The following VAV2 variants were observed in gnomAD, a reference collection of about 807,000 sequenced individuals.
VAV2 encodes the protein vav guanine nucleotide exchange factor 2, also known as guanine nucleotide exchange factor VAV2.
A neutral mutation model predicts 132.5 loss-of-function variants in VAV2; 67 were observed. That is an observed-to-expected ratio of 0.51 (90% CI 0.42 to 0.62). The LOEUF (loss-of-function observed/expected upper bound fraction) is 0.62, where lower values mean the gene tolerates loss of function less well. Among genes scored for constraint, VAV2 ranks in the 20% least tolerant of loss-of-function variants. The probability of loss-of-function intolerance (pLI) is 0.00; values close to 1 mark genes in which losing one functional copy is unlikely to be tolerated. For missense variants in VAV2, 938 were observed against 1,153.6 expected (o/e 0.81, Z 2.71); for synonymous variants, 492 against 443.5 (o/e 1.11, Z -1.37).
At chr9:133,789,424 T>G (rs1414700252) in intron 13 of VAV2, 81 bp from the exon 14 acceptor site, 3 of 1,406,742 alleles carry the variant, frequency 2.1e-6, no homozygotes, top group African/African-American at 2.8e-5. Flanking sequence ...CAGACTGTCG[T>G]GCACCCAAGG....
chr9:133,875,339 G>A (rs1452681419), intron 2 of VAV2, among the ~76,000 whole-genome samples: 1 of 152,184 alleles, frequency 6.6e-6, no homozygotes, highest in African/African-American at 2.4e-5. Context: ...ACAGCCCAGC[G>A]CCACAGCCCC....
chr9:133,974,769 C>CCTGCACCCAGCA (rs11270393), intron 1 of VAV2, among the ~76,000 whole-genome samples: 145,405 of 151,408 alleles, frequency 0.96, 69,744 homozygotes, highest in East Asian at 1. Context: ...TAGGTCACGC[C>CCTGCACCCAGCA]CTGCACCCAG....
chr9:133,878,333 G>T (rs571599968), intron 2 of VAV2, among the ~76,000 whole-genome samples: 1 of 152,214 alleles, frequency 6.6e-6, no homozygotes, highest in Non-Finnish European at 1.5e-5. Context: ...ACCCAAGCAC[G>T]ATCGAGGCTG....
intron 2 of VAV2, among the ~76,000 whole-genome samples, chr9:133,875,021 C>A (rs565924003): frequency 1.3e-5 from 2 of 152,156 alleles, no homozygotes; most frequent in Non-Finnish European, 2.9e-5. Context: ...GGCAGAGCAG[C>A]CCCAGAAAGA....
At chr9:133,801,965 GT>G (rs967746560) in intron 9 of VAV2, among the ~76,000 whole-genome samples, 1 of 152,112 alleles carries the variant, frequency 6.6e-6, no homozygotes, top group Admixed American at 6.6e-5. Context: ...CATCTCTGTT[GT>G]TTCAAGCCAC....
intron 25 of VAV2, 103 bp from the exon 26 acceptor site, chr9:133,772,149 G>T: frequency 1.3e-6 from 1 of 751,604 alleles, no homozygotes; most frequent in Non-Finnish European, 2.0e-6. Context: ...AAAGCCCCTC[G>T]TCCCTGGCCC....
rs75798170 is a variant in VAV2, at chr9:133,790,755, C to T, written c.1188+1028G>A. On this transcript the variant is annotated intron_variant, in intron 13 of 29. Coordinates refer to ENST00000371850, the MANE Select transcript of VAV2 (RefSeq NM_001134398.2). ...GCTTATTTTTTTTTTCTTTCATCGC[C>T]GACGTATCGCAGGTGCTTTTCCGTG... 8.9e-4 allele frequency among the ~76,000 whole-genome samples: 136 copies of T among 152,182 alleles called. 3 individuals carry two copies. The East Asian group carries it at 0.023, about 26-fold the overall frequency.
chr9:133,767,314 G>A (rs149339276), intron 29 of VAV2, among the ~76,000 whole-genome samples: 98 of 152,202 alleles, frequency 6.4e-4, no homozygotes, highest in African/African-American at 2.2e-3. Flanking sequence ...CAAGAAAGCT[G>A]GTGTCACAAA....
chr9:133,900,564 C>A (rs1839398879), intron 2 of VAV2, among the ~76,000 whole-genome samples: 1 of 152,188 alleles, frequency 6.6e-6, no homozygotes, highest in Non-Finnish European at 1.5e-5. Flanking sequence ...CAGAGAGGGT[C>A]CTGCCCCACA....
chr9:133,930,203 TC>T (rs953473383), intron 2 of VAV2, among the ~76,000 whole-genome samples: 1 of 152,184 alleles, frequency 6.6e-6, no homozygotes, highest in African/African-American at 2.4e-5. Flanking sequence ...CCCACCGGCC[TC>T]CACTCTGCCT....
chr9:133,908,797 C>T (rs1484868312), intron 2 of VAV2, among the ~76,000 whole-genome samples: 2 of 152,246 alleles, frequency 1.3e-5, no homozygotes, highest in African/African-American at 2.4e-5. Flanking sequence ...CAGGCCCCCT[C>T]GGGAGCGGAC....
rs568095560 is a variant in VAV2 at position 133,798,394 on chromosome 9, C to T, written c.837-585G>A. ...GGTGGCCCCCGGACCTGGGAGGACG[C>T]CCAGGAAGCCAGCCCTCGTGTCCTG... On this transcript the variant is annotated intron_variant, in intron 9 of 29. Transcript: ENST00000371850. Among the ~76,000 whole-genome samples, 12 of 152,308 alleles carry T rather than the reference C, an allele frequency of 7.9e-5. No individual in the cohort carries two copies. The South Asian group carries it at 2.5e-3, about 32-fold the overall frequency.
At chr9:133,904,899 C>T (rs962386745) in intron 2 of VAV2, among the ~76,000 whole-genome samples, 7 of 150,678 alleles carry the variant, frequency 4.6e-5, no homozygotes, top group Non-Finnish European at 1.0e-4. Flanking sequence ...GTCCACCATA[C>T]AGGGCCACAG....
chr9:133,974,976 C>A (rs1308762235), intron 1 of VAV2, among the ~76,000 whole-genome samples: 1 of 152,228 alleles, frequency 6.6e-6, no homozygotes. Context: ...GGGCCTTCCA[C>A]GTGATTCATG....
At chr9:133,780,394 G>T (rs1833965891) in intron 20 of VAV2, among the ~76,000 whole-genome samples, 1 of 152,194 alleles carries the variant, frequency 6.6e-6, no homozygotes, top group African/African-American at 2.4e-5. Flanking sequence ...GAGCCAACTG[G>T]GGGACTCGGG....
At chr9:133,910,122 C>A (rs966631958) in intron 2 of VAV2, among the ~76,000 whole-genome samples, 1 of 152,186 alleles carries the variant, frequency 6.6e-6, no homozygotes, top group Admixed American at 6.5e-5. Context: ...CCCCAGCCCT[C>A]TCTATTGCCT....
Position 133,769,576 on chromosome 9 carries a change from A to G in VAV2, c.2348-73T>C, listed in dbSNP as rs750891092. 7.5e-6 allele frequency: 11 copies of G among 1,469,412 alleles called. No homozygotes were observed. Among genetic ancestry groups the G allele is most frequent in the Non-Finnish European group, 1.0e-5 (11 of 1,078,074 alleles). The allele number at this position is 1,469,412 out of a possible 1,614,324, so 91.0% of individuals were successfully genotyped here. ...GCACAGTCACGGTGGGCACAGCTAC[A>G]GGCCGGGGGGCATGGGGTGGGGCAG... On this transcript the variant is annotated intron_variant, in intron 27 of 29. Coordinates refer to ENST00000371850, the MANE Select transcript of VAV2 (RefSeq NM_001134398.2). This position sits in a 1 kb window ranked among gnomAD's most constrained non-coding sequence, Gnocchi z 8.1.
At position 133,855,402 on chromosome 9, in the gene VAV2, C is replaced by T. The variant is rs186594393; in HGVS notation, c.380+5972G>A. Among the ~76,000 whole-genome samples, 37 of 152,346 alleles carry T rather than the reference C, an allele frequency of 2.4e-4. No homozygotes were observed. The East Asian group carries it at 6.4e-3, about 26-fold the overall frequency. ...CAGGTTTGGGAGTGGAAGTCAAGGA[C>T]GCAGCCCTCACCACTGCACAAACAG... On this transcript the variant is annotated intron_variant, in intron 3 of 29. Coordinates refer to ENST00000371850, the MANE Select transcript of VAV2 (RefSeq NM_001134398.2).
At chr9:133,791,945 CT>C in intron 12 of VAV2, 76 bp from the exon 13 acceptor site, 1 of 388,470 alleles carries the variant, frequency 2.6e-6, no homozygotes, top group Non-Finnish European at 3.5e-6. Flanking sequence ...GCAGGCTGTA[CT>C]GGGTGGGGTG....
Sources: allele counts gnomAD v4.1 joint callset (sites outside exome capture counted in the v4.1 genomes callset), GRCh38; gene constraint gnomAD v4.1.1; non-coding constraint Gnocchi (gnomAD v3.1); transcripts MANE v1.5; gene names NCBI Gene and HGNC (gene_info 2026-07-23, HGNC 2026-07-21).